The following GAS7 variants were observed in gnomAD, a reference collection of about 807,000 sequenced individuals.
The protein encoded by GAS7 is growth arrest-specific protein 7.
GAS7 carries 28 observed loss-of-function variants against 71.1 expected under a neutral mutation model. The observed-to-expected ratio is 0.39, with a 90% CI of 0.29 to 0.54. The LOEUF is 0.54. GAS7 is among the 20% of genes least tolerant of loss of function. The pLI is 0.62. For synonymous variants in GAS7, 258 were observed against 245.8 expected (o/e 1.05, Z -0.46); for missense variants, 436 against 627.8 (o/e 0.69, Z 3.27).
chr17:10,154,516 A>C (rs11651197), intron 1 of GAS7, among the ~76,000 whole-genome samples: 15,639 of 151,690 alleles, frequency 0.1, 919 homozygotes, highest in Non-Finnish European at 0.12. Flanking sequence ...GAAAAACAAA[A>C]AAAAAAAATT....
chr17:10,183,849 A>G (rs2074434173), intron 1 of GAS7, among the ~76,000 whole-genome samples: 1 of 151,984 alleles, frequency 6.6e-6, no homozygotes, highest in South Asian at 2.1e-4. Flanking sequence ...CTCAGGAAAA[A>G]AAAAAAAAGA....
chr17:9,998,034 A>T (rs1218366378), intron 2 of GAS7, among the ~76,000 whole-genome samples: 4 of 152,218 alleles, frequency 2.6e-5, no homozygotes, highest in Non-Finnish European at 5.9e-5. Context: ...GATTGATGTC[A>T]TCACTGGGAA....
intron 2 of GAS7, among the ~76,000 whole-genome samples, chr17:10,001,652 G>A (rs1376623506): frequency 6.6e-6 from 1 of 152,196 alleles, no homozygotes; most frequent in African/African-American, 2.4e-5. Flanking sequence ...TTCTGGAAAT[G>A]CAAGGAAGAG....
At chr17:10,193,965 T>C (rs1219477351) in intron 1 of GAS7, among the ~76,000 whole-genome samples, 7 of 152,122 alleles carry the variant, frequency 4.6e-5, no homozygotes, top group Non-Finnish European at 8.8e-5. Context: ...TCCTTAATTA[T>C]CCATAGCACA....
At chr17:10,031,589 C>T (rs980406059) in intron 1 of GAS7, among the ~76,000 whole-genome samples, 5 of 152,218 alleles carry the variant, frequency 3.3e-5, no homozygotes, top group African/African-American at 9.6e-5. Flanking sequence ...GTGGGCCTTG[C>T]AGAACCCCTA....
chr17:10,112,698 C>T (rs910126276), intron 1 of GAS7, among the ~76,000 whole-genome samples: 2 of 151,078 alleles, frequency 1.3e-5, no homozygotes, highest in African/African-American at 4.9e-5. Flanking sequence ...GAGATCATAC[C>T]AGTGCACTCC....
At chr17:10,038,377 A>G (rs2072797035) in intron 1 of GAS7, among the ~76,000 whole-genome samples, 1 of 152,134 alleles carries the variant, frequency 6.6e-6, no homozygotes, top group Non-Finnish European at 1.5e-5. Flanking sequence ...AAATATCAAC[A>G]AAACAGAAAA....
At position 9,926,858 on chromosome 17, in the gene GAS7, T is replaced by G; in HGVS notation, c.886-89A>C. 2.2e-6 allele frequency: 3 copies of G among 1,378,870 alleles called. No individual in the cohort carries two copies. The highest frequency in any genetic ancestry group is 2.3e-5 in the East Asian group (1 of 43,454). The allele number at this position is 1,378,870 out of a possible 1,614,324, so 85.4% of individuals were successfully genotyped here. A position where few individuals can be genotyped will look rare whatever the true frequency, so the allele number is the denominator to read the frequency against. On this transcript the variant is annotated intron_variant, in intron 9 of 13. Transcript: ENST00000432992. The surrounding 1 kb of genome is among the most constrained non-coding windows in gnomAD (Gnocchi z 5.0). ...GGAGGGATGGGAGGGGCACCCCCAC[T>G]TCCCCAGGCAAGTGAGGATGAGTCT... is the stretch of plus-strand genomic sequence containing the variant.
chr17:10,076,037 G>A (rs990162136), intron 1 of GAS7, among the ~76,000 whole-genome samples: 3 of 149,868 alleles, frequency 2.0e-5, no homozygotes, highest in Non-Finnish European at 4.4e-5. Context: ...AGGAGGCAGA[G>A]GTTGTGGTGA....
At chr17:9,946,838 G>A in intron 6 of GAS7, 56 bp downstream of exon 6, 1 of 1,115,438 alleles carries the variant, frequency 9.0e-7, no homozygotes, top group Non-Finnish European at 1.4e-6. Flanking sequence ...CCCATCCTGG[G>A]TGTCCACTCC....
intron 6 of GAS7, among the ~76,000 whole-genome samples, chr17:9,943,765 T>C (rs929861179): frequency 1.3e-5 from 2 of 151,848 alleles, no homozygotes; most frequent in Non-Finnish European, 1.5e-5. Flanking sequence ...AGAGAGAAAG[T>C]GGGTTGAAGG....
intron 1 of GAS7, among the ~76,000 whole-genome samples, chr17:10,035,479 G>A (rs2072726347): frequency 1.3e-5 from 2 of 152,188 alleles, no homozygotes; most frequent in African/African-American, 4.8e-5. Flanking sequence ...ACCCGTTAGA[G>A]ATGCTCCTGG....
At chr17:10,060,469 A>G (rs768003220) in intron 1 of GAS7, among the ~76,000 whole-genome samples, 2 of 152,094 alleles carry the variant, frequency 1.3e-5, no homozygotes, top group Non-Finnish European at 2.9e-5. Flanking sequence ...GACAGAAGTT[A>G]CTGATTCCCA....
At chr17:10,071,535 G>A (rs1224453590) in intron 1 of GAS7, among the ~76,000 whole-genome samples, 1 of 152,150 alleles carries the variant, frequency 6.6e-6, no homozygotes, top group East Asian at 1.9e-4. Flanking sequence ...GCTGCCTACA[G>A]GACCACTGGA....
intron 1 of GAS7, among the ~76,000 whole-genome samples, chr17:10,193,173 G>C (rs561585719): frequency 6.6e-6 from 1 of 150,886 alleles, no homozygotes; most frequent in South Asian, 2.1e-4. Flanking sequence ...CAATGGCTTA[G>C]TGGACAGGCC....
intron 1 of GAS7, among the ~76,000 whole-genome samples, chr17:10,158,720 T>A (rs1363440195): frequency 6.6e-6 from 1 of 151,904 alleles, no homozygotes; most frequent in African/African-American, 2.4e-5. Context: ...CTTGCAACTC[T>A]TCAAATTTTT....
At chr17:10,020,469 A>C (rs994416503) in intron 1 of GAS7, among the ~76,000 whole-genome samples, 1 of 152,266 alleles carries the variant, frequency 6.6e-6, no homozygotes, top group East Asian at 1.9e-4. Flanking sequence ...ACTCGGAGAC[A>C]GAGCAGACGC....
intron 4 of GAS7, among the ~76,000 whole-genome samples, chr17:9,964,416 G>A (rs547181929): frequency 3.9e-5 from 6 of 152,142 alleles, no homozygotes; most frequent in Admixed American, 2.0e-4. Context: ...TGAGCTCCTC[G>A]TGGCAGGCCT....
chr17:9,996,813 T>G (rs1048013209), intron 2 of GAS7, among the ~76,000 whole-genome samples: 1 of 151,928 alleles, frequency 6.6e-6, no homozygotes, highest in Non-Finnish European at 1.5e-5. Flanking sequence ...TTCATTTTTA[T>G]ATTTTTATTA....
Sources: gnomAD v4.1 joint callset for allele counts (sites outside exome capture counted in the v4.1 genomes callset) on GRCh38, gnomAD v4.1.1 for gene constraint, Gnocchi (gnomAD v3.1) non-coding constraint, MANE v1.5 for transcripts, NCBI Gene and HGNC (gene_info 2026-07-23, HGNC 2026-07-21) for gene names.